FBLN7: variants seen among roughly 807,000 people sequenced by gnomAD.
FBLN7 encodes fibulin-7.
A neutral mutation model predicts 44.0 loss-of-function variants in FBLN7; 31 were observed. The observed-to-expected ratio is 0.70, with a 90% CI of 0.53 to 0.95. The LOEUF (loss-of-function observed/expected upper bound fraction) is 0.95, where lower values mean the gene tolerates loss of function less well. FBLN7 is among the 40% of genes least tolerant of loss of function. FBLN7 has a pLI of 0.00. For synonymous variants in FBLN7, 262 were observed against 253.4 expected (o/e 1.03, Z -0.32); for missense variants, 573 against 618.5 (o/e 0.93, Z 0.78).
At chr2:112,182,097 A>G in intron 5 of FBLN7, 1 of 584,560 alleles carries the variant, frequency 1.7e-6, no homozygotes, top group Non-Finnish European at 2.9e-6. Context: ...AACCTGGTCC[A>G]GCCTATGCCC....
At chr2:112,139,772 CGCCAGTGTCCCTCCCGCCTCTCTCCAG>C (rs1680535331) in intron 1 of FBLN7, among the ~76,000 whole-genome samples, 1 of 9,838 alleles carries the variant, frequency 1.0e-4, no homozygotes, top group Non-Finnish European at 1.9e-4. Context: ...CCTCTCTCCA[CGCCAGTGTCCCTCCCGCCTCTCTCCAG>C]GCCAGTGTCC....
Position 112,187,142 on chromosome 2 carries a change from A to T in FBLN7, c.956A>T (p.Glu319Val). ...TTGCCTCTCCGCTCCAGCCAGTGTG[A>T]GCGGAACCCCTGCCCCATGGACAGC... ...SYVKTSPFQC[E>V]RNPCPMDSRP... The change falls in exon 8 of 8, where the codon GAG (glutamate) becomes GTG (valine). Residue 319 changes from glutamate (E) to valine (V), a missense_variant. Transcript: ENST00000331203. The surrounding 1 kb of genome is among the most constrained non-coding windows in gnomAD (Gnocchi z 5.1). The T allele has an allele frequency of 6.2e-7, 1 of 1,613,892 alleles. No individual in the cohort carries two copies. The highest frequency in any genetic ancestry group is 1.7e-5 in the Admixed American group (1 of 60,024).
At chr2:112,175,378 G>A (rs1318783958) in intron 3 of FBLN7, among the ~76,000 whole-genome samples, 4 of 152,264 alleles carry the variant, frequency 2.6e-5, no homozygotes, top group African/African-American at 9.6e-5. Flanking sequence ...TCTGGCTACA[G>A]CTGTCTACAC....
the FBLN7 span, among the ~76,000 whole-genome samples, chr2:112,238,915 T>C: frequency 6.6e-6 from 1 of 152,356 alleles, no homozygotes; most frequent in South Asian, 2.1e-4. Context: ...TTGACAGTAC[T>C]TTTAAATGTC....
intron 2 of FBLN7, among the ~76,000 whole-genome samples, chr2:112,160,158 T>C (rs111599257): frequency 0.054 from 8,125 of 151,844 alleles, 381 homozygotes; most frequent in African/African-American, 0.13. Context: ...GCCCGGCTAA[T>C]TTTTTGTATT....
At chr2:112,144,040 G>T (rs1177445724) in intron 1 of FBLN7, among the ~76,000 whole-genome samples, 1 of 151,956 alleles carries the variant, frequency 6.6e-6, no homozygotes, top group Non-Finnish European at 1.5e-5. Context: ...TTTTCACATT[G>T]CTTAGTATAT....
the FBLN7 span, chr2:112,231,689 T>A: frequency 2.5e-6 from 1 of 406,696 alleles, no homozygotes; most frequent in East Asian, 3.7e-5. Flanking sequence ...TGAAAAATAT[T>A]TAAACTGAAT....
At chr2:112,143,618 C>T (rs940843843) in intron 1 of FBLN7, among the ~76,000 whole-genome samples, 2 of 152,208 alleles carry the variant, frequency 1.3e-5, no homozygotes, top group African/African-American at 4.8e-5. Context: ...GGGTACAGAA[C>T]AGTTCCACCG....
At chr2:112,239,647 C>T in the FBLN7 span, among the ~76,000 whole-genome samples, 15 of 141,842 alleles carry the variant, frequency 1.1e-4, no homozygotes, top group African/African-American at 1.6e-4. Flanking sequence ...TGCAGTGGCA[C>T]GATCTTGGCT....
At chr2:112,179,021 C>T (rs1420896641) in intron 4 of FBLN7, among the ~76,000 whole-genome samples, 1 of 152,152 alleles carries the variant, frequency 6.6e-6, no homozygotes, top group Admixed American at 6.5e-5. Flanking sequence ...AAAGCGCATC[C>T]AAATAGGAAG....
chr2:112,155,061 A>G (rs1681346350), intron 1 of FBLN7, among the ~76,000 whole-genome samples: 2 of 152,116 alleles, frequency 1.3e-5, no homozygotes, highest in African/African-American at 4.8e-5. Flanking sequence ...TGGTTGTGGG[A>G]CTTGTTCTTT....
At chr2:112,220,415 T>C in the FBLN7 span, among the ~76,000 whole-genome samples, 1 of 152,200 alleles carries the variant, frequency 6.6e-6, no homozygotes, top group Non-Finnish European at 1.5e-5. Context: ...TGAAACTTAG[T>C]TTGGCTGGAT....
At chr2:112,213,939 C>CTTAAGAAT in the FBLN7 span, 2 of 148,850 alleles carry the variant, frequency 1.3e-5, no homozygotes, top group Non-Finnish European at 3.0e-5. Context: ...TGAAGACCCA[C>CTTAAGAAT]TTAAGAATTT....
chr2:112,183,430 C>T (rs1213761802), intron 6 of FBLN7, among the ~76,000 whole-genome samples: 4 of 152,272 alleles, frequency 2.6e-5, no homozygotes, highest in East Asian at 3.9e-4. Flanking sequence ...ACAAGGGAGG[C>T]GGAGCACCCA....
At chr2:112,166,409 G>A (rs1291493638) in intron 3 of FBLN7, among the ~76,000 whole-genome samples, 2 of 152,126 alleles carry the variant, frequency 1.3e-5, no homozygotes, top group African/African-American at 4.8e-5. Context: ...CAGAAAGTAT[G>A]CCATCCCTAA....
chr2:112,158,972 G>A (rs763119589), intron 1 of FBLN7, among the ~76,000 whole-genome samples: 5 of 152,134 alleles, frequency 3.3e-5, no homozygotes, highest in Non-Finnish European at 7.4e-5. Flanking sequence ...TAACACTGCC[G>A]ATGCCTTGAT....
chr2:112,158,091 G>T (rs973313609), intron 1 of FBLN7, among the ~76,000 whole-genome samples: 4 of 151,064 alleles, frequency 2.6e-5, no homozygotes, highest in Non-Finnish European at 5.9e-5. Context: ...TAGAGATGGG[G>T]TTTCACCGTG....
Position 112,187,062 on chromosome 2 carries a change from G to A in FBLN7, c.948-72G>A. ...GTGGCCTCTGCAAGAGGGCAGGTGG[G>A]CAGCCGGGTCAGAGCAGCTCTTCAT... On this transcript the variant is annotated intron_variant, in intron 7 of 7. Transcript: ENST00000331203. The surrounding 1 kb of genome is among the most constrained non-coding windows in gnomAD (Gnocchi z 5.1). The A allele has an allele frequency of 2.6e-6, 4 of 1,551,770 alleles. No individual in the cohort carries two copies. Among genetic ancestry groups the A allele is most frequent in the South Asian group, 1.2e-5 (1 of 81,060 alleles).
intron 3 of FBLN7, among the ~76,000 whole-genome samples, chr2:112,173,437 A>G (rs1682574737): frequency 6.6e-6 from 1 of 152,178 alleles, no homozygotes; most frequent in South Asian, 2.1e-4. Context: ...AAAAATGAGA[A>G]AACACTCAAA....
Sources: gnomAD v4.1 joint callset for allele counts (sites outside exome capture counted in the v4.1 genomes callset) on GRCh38, gnomAD v4.1.1 for gene constraint, Gnocchi (gnomAD v3.1) non-coding constraint, MANE v1.5 for transcripts, NCBI Gene and HGNC (gene_info 2026-07-23, HGNC 2026-07-21) for gene names.